Variants in PLCB1 observed in about 807,000 individuals in gnomAD.
The protein encoded by PLCB1 is phospholipase C beta 1.
A neutral mutation model predicts 161.8 loss-of-function variants in PLCB1; 46 were observed. The ratio of observed to expected loss-of-function variants is 0.28; its 90% CI spans 0.22 to 0.36. The LOEUF (loss-of-function observed/expected upper bound fraction) is 0.36. PLCB1 is among the 10% of genes least tolerant of loss of function. PLCB1 has a pLI of 1.00. For synonymous variants in PLCB1, 517 were observed against 503.7 expected (o/e 1.03, Z -0.35); for missense variants, 1,016 against 1,472.5 (o/e 0.69, Z 5.07).
intron 9 of PLCB1, among the ~76,000 whole-genome samples, chr20:8,681,588 A>C (rs139696554): frequency 2.3e-3 from 354 of 152,276 alleles, no homozygotes; most frequent in Non-Finnish European, 3.6e-3. Context: ...TGTATACAAG[A>C]AGCATACACT....
chr20:8,445,345 T>C (rs1322337203), intron 3 of PLCB1, among the ~76,000 whole-genome samples: 1 of 152,200 alleles, frequency 6.6e-6, no homozygotes, highest in Admixed American at 6.5e-5. Flanking sequence ...TTGTCAAAGA[T>C]CAGATGGTTG....
chr20:8,172,266 T>A (rs2051740378), intron 2 of PLCB1, among the ~76,000 whole-genome samples: 1 of 152,156 alleles, frequency 6.6e-6, no homozygotes, highest in African/African-American at 2.4e-5. Context: ...GAGGGAGTAG[T>A]GGTAACTGTT....
rs373539432 is a variant in PLCB1 at position 8,265,136 on chromosome 20, C to A, written c.178-106246C>A. 1.8e-4 allele frequency among the ~76,000 whole-genome samples: 28 copies of A among 152,260 alleles called. No individual in the cohort carries two copies. In the South Asian group the frequency reaches 5.2e-3, roughly 28 times the overall value. On this transcript the variant is annotated intron_variant, in intron 2 of 31. Coordinates refer to ENST00000338037, the MANE Select transcript of PLCB1 (RefSeq NM_015192.4). ...AGTTTTAGTGGCAGGTATTCTTGGACTTAATCCTACCTCTACCAATTACAC... is the reference window on the plus strand; with the variant it reads ...AGTTTTAGTGGCAGGTATTCTTGGAATTAATCCTACCTCTACCAATTACAC...
chr20:8,586,263 T>C (rs993535900), intron 3 of PLCB1, among the ~76,000 whole-genome samples: 26 of 152,238 alleles, frequency 1.7e-4, no homozygotes, highest in Admixed American at 1.5e-3. Context: ...GGTTGACTTA[T>C]TCCTGTCACA....
At chr20:8,676,363 G>C (rs1039786931) in intron 9 of PLCB1, among the ~76,000 whole-genome samples, 7 of 150,394 alleles carry the variant, frequency 4.7e-5, no homozygotes, top group Non-Finnish European at 7.4e-5. Flanking sequence ...TCTGTCTCAA[G>C]AAGAGAGAAA....
intron 3 of PLCB1, among the ~76,000 whole-genome samples, chr20:8,511,777 T>C (rs899797062): frequency 2.0e-5 from 3 of 152,320 alleles, no homozygotes; most frequent in African/African-American, 4.8e-5. Flanking sequence ...CAATTAGTGA[T>C]ATTGAGCATT....
chr20:8,275,566 T>A (rs1200172175), intron 2 of PLCB1, among the ~76,000 whole-genome samples: 1 of 152,192 alleles, frequency 6.6e-6, no homozygotes, highest in South Asian at 2.1e-4. Context: ...CCTAGAAATT[T>A]CTGTTATTTT....
intron 3 of PLCB1, among the ~76,000 whole-genome samples, chr20:8,606,150 T>C (rs1336847244): frequency 2.0e-5 from 3 of 152,226 alleles, no homozygotes; most frequent in African/African-American, 4.8e-5. Context: ...TCCAATATTA[T>C]GTACAAATTT....
At chr20:8,563,046 T>TAGG in intron 3 of PLCB1, among the ~76,000 whole-genome samples, 1 of 151,988 alleles carries the variant, frequency 6.6e-6, no homozygotes. Flanking sequence ...CTATGAGACT[T>TAGG]ATAGTATGTA....
chr20:8,189,323 T>A (rs2051940552), intron 2 of PLCB1, among the ~76,000 whole-genome samples: 1 of 138,138 alleles, frequency 7.2e-6, no homozygotes, highest in African/African-American at 3.1e-5. Flanking sequence ...GTAACTATTT[T>A]AATATATATA....
At chr20:8,265,169 T>C (rs1237064694) in intron 2 of PLCB1, among the ~76,000 whole-genome samples, 4 of 152,184 alleles carry the variant, frequency 2.6e-5, no homozygotes, top group African/African-American at 9.6e-5. Flanking sequence ...CACCAGTCAT[T>C]AGCTGCATAA....
At chr20:8,478,507 A>T (rs530634045) in intron 3 of PLCB1, among the ~76,000 whole-genome samples, 2 of 152,156 alleles carry the variant, frequency 1.3e-5, no homozygotes, top group Non-Finnish European at 2.9e-5. Flanking sequence ...ATAAATATAC[A>T]TATATAAATA....
At chr20:8,720,860 A>ATTT (rs1979590238) in intron 14 of PLCB1, among the ~76,000 whole-genome samples, 5 of 141,550 alleles carry the variant, frequency 3.5e-5, no homozygotes, top group Admixed American at 6.8e-5. Flanking sequence ...TTTTTTTTTA[A>ATTT]AAAAAAAAGG....
intron 2 of PLCB1, among the ~76,000 whole-genome samples, chr20:8,207,245 G>T (rs181131827): frequency 6.5e-4 from 99 of 152,292 alleles, no homozygotes; most frequent in Admixed American, 4.3e-3. Context: ...GAAAGTGCAA[G>T]ATTACTTTTA....
chr20:8,645,347 G>A (rs1380382533), intron 4 of PLCB1, among the ~76,000 whole-genome samples: 1 of 152,094 alleles, frequency 6.6e-6, no homozygotes, highest in Middle Eastern at 3.2e-3. Flanking sequence ...CATTGAAGAG[G>A]GAGCCAAGTC....
intron 3 of PLCB1, among the ~76,000 whole-genome samples, chr20:8,378,305 C>T (rs949182814): frequency 6.6e-6 from 1 of 152,178 alleles, no homozygotes; most frequent in Non-Finnish European, 1.5e-5. Context: ...TACAGGCATA[C>T]CGCAGCAGCA....
At chr20:8,526,233 A>G (rs981355979) in intron 3 of PLCB1, among the ~76,000 whole-genome samples, 33 of 152,148 alleles carry the variant, frequency 2.2e-4, no homozygotes, top group African/African-American at 7.7e-4. Context: ...TTGGACTCCT[A>G]TGTTCATTTC....
chr20:8,195,703 C>G (rs2052016079), intron 2 of PLCB1, among the ~76,000 whole-genome samples: 1 of 152,088 alleles, frequency 6.6e-6, no homozygotes, highest in South Asian at 2.1e-4. Flanking sequence ...GTTATTTAGT[C>G]TTCTGAAATC....
chr20:8,562,433 G>A (rs1600154855), intron 3 of PLCB1, among the ~76,000 whole-genome samples: 2 of 152,158 alleles, frequency 1.3e-5, no homozygotes, highest in African/African-American at 4.8e-5. Context: ...GGGGACTTTG[G>A]GAAAAAGAAG....
Sources: gnomAD v4.1 joint callset for allele counts (sites outside exome capture counted in the v4.1 genomes callset) on GRCh38, gnomAD v4.1.1 for gene constraint, MANE v1.5 for transcripts, NCBI Gene and HGNC (gene_info 2026-07-23, HGNC 2026-07-21) for gene names.